RNGTT: variants seen among roughly 807,000 people sequenced by gnomAD.
RNGTT encodes the protein mRNA-capping enzyme.
A neutral mutation model predicts 79.3 loss-of-function variants in RNGTT; 33 were observed. That is an observed-to-expected ratio of 0.42 (90% CI 0.32 to 0.56). RNGTT has a LOEUF of 0.56. RNGTT is among the 20% of genes least tolerant of loss of function. The probability of loss-of-function intolerance (pLI) is 0.17; values close to 1 mark genes in which losing one functional copy is unlikely to be tolerated. For missense variants in RNGTT, 497 were observed against 739.1 expected, an observed-to-expected ratio of 0.67 and a Z score of 3.80; for synonymous variants, 222 against 235.9, an observed-to-expected ratio of 0.94 and a Z score of 0.54.
chr6:88,692,333 T>C (rs866140724), intron 13 of RNGTT, among the ~76,000 whole-genome samples: 16 of 152,224 alleles, frequency 1.1e-4, no homozygotes, highest in Non-Finnish European at 1.5e-4. Context: ...AAAGAGGCTG[T>C]ACCCAAGTTT....
chr6:88,798,830 CACAA>C (rs1432799356), intron 12 of RNGTT, among the ~76,000 whole-genome samples: 2 of 152,042 alleles, frequency 1.3e-5, no homozygotes, highest in African/African-American at 4.8e-5. Context: ...AGAAATCTAC[CACAA>C]ACATACTTAA....
At chr6:88,788,036 A>G (rs1189560276) in intron 12 of RNGTT, among the ~76,000 whole-genome samples, 2 of 152,232 alleles carry the variant, frequency 1.3e-5, no homozygotes, top group Non-Finnish European at 2.9e-5. Flanking sequence ...TTACAACGGC[A>G]TTACTATCCA....
At chr6:88,779,888 G>C (rs996278999) in intron 12 of RNGTT, among the ~76,000 whole-genome samples, 2 of 152,142 alleles carry the variant, frequency 1.3e-5, no homozygotes, top group East Asian at 1.9e-4. Context: ...AGCCACCTGG[G>C]GGGGCCAAGG....
intron 13 of RNGTT, among the ~76,000 whole-genome samples, chr6:88,689,259 T>C (rs1482904445): frequency 6.6e-6 from 1 of 151,488 alleles, no homozygotes; most frequent in African/African-American, 2.4e-5. Flanking sequence ...CTAGTCAACA[T>C]AGTGAGAACT....
At chr6:88,842,466 GA>G (rs879637851) in intron 11 of RNGTT, among the ~76,000 whole-genome samples, 1,959 of 151,092 alleles carry the variant, frequency 0.013, 16 homozygotes, top group Non-Finnish European at 0.019. Flanking sequence ...TAATAACAAA[GA>G]AAAAAAAGAG....
intron 2 of RNGTT, among the ~76,000 whole-genome samples, chr6:88,931,188 A>G (rs1331432059): frequency 3.4e-5 from 1 of 29,302 alleles, no homozygotes; most frequent in Non-Finnish European, 7.5e-5. Flanking sequence ...ATAAAGCTGT[A>G]AAAAAAAAAA....
At chr6:88,676,689 A>C (rs1369466900) in intron 14 of RNGTT, among the ~76,000 whole-genome samples, 1 of 152,248 alleles carries the variant, frequency 6.6e-6, no homozygotes, top group Admixed American at 6.5e-5. Context: ...TAAAGGACTT[A>C]TATCCAGAAG....
At chr6:88,935,557 T>G (rs888706846) in intron 2 of RNGTT, among the ~76,000 whole-genome samples, 22 of 152,112 alleles carry the variant, frequency 1.4e-4, no homozygotes, top group East Asian at 5.8e-4. Context: ...TTAAAAAAAG[T>G]TTTTTTTAAT....
chr6:88,871,901 TC>T (rs1326139174), intron 8 of RNGTT, among the ~76,000 whole-genome samples: 2 of 151,526 alleles, frequency 1.3e-5, no homozygotes. Context: ...AAAAGACCAT[TC>T]CCCCCCATAA....
rs554676939 is a variant in RNGTT, at chr6:88,924,700, C to A, written c.367+4285G>T. Among the ~76,000 whole-genome samples, 4 of 150,696 alleles carry A rather than the reference C, an allele frequency of 2.7e-5. No homozygotes were observed. In the South Asian group the frequency reaches 8.5e-4, roughly 32 times the overall value. ...TTGTTGTTTTATGTTTTATTTTTTTCTTTGCCCTCAAACATTCTCCTCTCC... is the reference window on the plus strand; with the variant it reads ...TTGTTGTTTTATGTTTTATTTTTTTATTTGCCCTCAAACATTCTCCTCTCC... On this transcript the variant is annotated intron_variant, in intron 4 of 15. Transcript: ENST00000369485.
chr6:88,627,811 G>A (rs3798787), intron 14 of RNGTT, among the ~76,000 whole-genome samples: 17,313 of 152,020 alleles, frequency 0.11, 977 homozygotes, highest in Middle Eastern at 0.15. Context: ...AAATGTTCTC[G>A]TGGTGATCTG....
At chr6:88,708,874 T>C (rs1001318962) in intron 13 of RNGTT, among the ~76,000 whole-genome samples, 4 of 152,156 alleles carry the variant, frequency 2.6e-5, no homozygotes, top group African/African-American at 9.7e-5. Context: ...AGCCTTCCTC[T>C]GAGAGAAAAG....
chr6:88,788,810 T>C (rs1007684328), intron 12 of RNGTT, among the ~76,000 whole-genome samples: 2 of 152,236 alleles, frequency 1.3e-5, no homozygotes, highest in Non-Finnish European at 2.9e-5. Flanking sequence ...CAGGCTTTCA[T>C]GATGATTAAT....
intron 13 of RNGTT, among the ~76,000 whole-genome samples, chr6:88,766,088 G>C (rs1252400559): frequency 1.3e-5 from 2 of 152,026 alleles, no homozygotes; most frequent in Non-Finnish European, 2.9e-5. Context: ...CCATGTACCA[G>C]GTTCTGTTCT....
intron 13 of RNGTT, among the ~76,000 whole-genome samples, chr6:88,724,565 A>C (rs1384896118): frequency 2.0e-5 from 3 of 152,060 alleles, no homozygotes; most frequent in African/African-American, 7.3e-5. Context: ...CAGACAGGGG[A>C]AGGGGGAGAT....
At chr6:88,738,411 T>C (rs2127823575) in intron 13 of RNGTT, among the ~76,000 whole-genome samples, 1 of 152,262 alleles carries the variant, frequency 6.6e-6, no homozygotes, top group African/African-American at 2.4e-5. Context: ...TAAGGAAATC[T>C]GAATAAGCTA....
chr6:88,761,491 AAAAC>A (rs71554800), intron 13 of RNGTT, among the ~76,000 whole-genome samples: 19,465 of 151,944 alleles, frequency 0.13, 1,398 homozygotes, highest in Middle Eastern at 0.23. Flanking sequence ...TCTCTATCTC[AAAAC>A]AAACAAACAA....
At chr6:88,847,448 C>A (rs1193483554) in intron 10 of RNGTT, among the ~76,000 whole-genome samples, 2 of 151,982 alleles carry the variant, frequency 1.3e-5, no homozygotes, top group Non-Finnish European at 2.9e-5. Flanking sequence ...CAAAAAAATT[C>A]TTTTTCTAAC....
At chr6:88,692,652 G>T (rs1008619597) in intron 13 of RNGTT, among the ~76,000 whole-genome samples, 2 of 151,828 alleles carry the variant, frequency 1.3e-5, no homozygotes, top group Non-Finnish European at 2.9e-5. Flanking sequence ...AAGAGGGAAG[G>T]ATTAGAAAAA....
Sources: allele counts gnomAD v4.1 joint callset (sites outside exome capture counted in the v4.1 genomes callset), GRCh38; gene constraint gnomAD v4.1.1; transcripts MANE v1.5; gene names NCBI Gene and HGNC (gene_info 2026-07-23, HGNC 2026-07-21).